Variants in PRKG1 observed in about 807,000 individuals in gnomAD.
PRKG1 encodes cGMP-dependent protein kinase 1.
PRKG1 carries 35 observed loss-of-function variants against 88.1 expected under a neutral mutation model. That is an observed-to-expected ratio of 0.40 (90% CI 0.30 to 0.53). The LOEUF is 0.53. Among genes scored for constraint, PRKG1 ranks in the 20% least tolerant of loss-of-function variants. The pLI, the probability that PRKG1 is intolerant of heterozygous loss-of-function variation, is 0.59. For synonymous variants in PRKG1, 303 were observed against 292.5 expected, an observed-to-expected ratio of 1.04 and a Z score of -0.37; for missense variants, 540 against 839.8, an observed-to-expected ratio of 0.64 and a Z score of 4.41.
At chr10:51,440,201 A>ATT (rs34652760) in intron 2 of PRKG1, among the ~76,000 whole-genome samples, 9 of 150,168 alleles carry the variant, frequency 6.0e-5, no homozygotes, top group Non-Finnish European at 1.0e-4. Flanking sequence ...GTGCAGTTTG[A>ATT]TTTTTTTTTT....
chr10:52,066,320 T>A (rs1218936246), intron 7 of PRKG1, among the ~76,000 whole-genome samples: 1 of 152,212 alleles, frequency 6.6e-6, no homozygotes, highest in Non-Finnish European at 1.5e-5. Context: ...CTGTATTTCA[T>A]AAACCTTGGT....
chr10:51,292,328 C>T lies in PRKG1; in HGVS notation c.478+138998C>T, dbSNP rs548008936. Among the ~76,000 whole-genome samples the T allele has an allele frequency of 1.3e-4, 20 of 152,284 alleles. No homozygotes were observed. In the South Asian group the frequency reaches 3.9e-3, roughly 30 times the overall value. On this transcript the variant is annotated intron_variant, in intron 2 of 17. Transcript: ENST00000373980. ...ACCTCAAGTCTTCATTTTCTCAAAG[C>T]TCACTCCTCTTTCTCCTTGCTTCAT... is the stretch of plus-strand genomic sequence containing the variant.
intron 2 of PRKG1, among the ~76,000 whole-genome samples, chr10:51,191,597 G>A (rs189819768): frequency 1.3e-4 from 20 of 151,814 alleles, no homozygotes; most frequent in African/African-American, 4.1e-4. Flanking sequence ...ACTTATTAGT[G>A]GCCAGATACT....
At chr10:51,271,137 G>A (rs1172607620) in intron 2 of PRKG1, among the ~76,000 whole-genome samples, 6 of 152,136 alleles carry the variant, frequency 3.9e-5, no homozygotes, top group Non-Finnish European at 8.8e-5. Context: ...TGTGAAGAAA[G>A]GAATGTCTAC....
intron 3 of PRKG1, among the ~76,000 whole-genome samples, chr10:51,795,510 A>G (rs1470256600): frequency 6.6e-6 from 1 of 152,144 alleles, no homozygotes; most frequent in Non-Finnish European, 1.5e-5. Flanking sequence ...CTTTCTAATT[A>G]TGAAGCATTT....
intron 3 of PRKG1, among the ~76,000 whole-genome samples, chr10:51,662,070 C>A (rs897281802): frequency 2.0e-5 from 3 of 151,974 alleles, no homozygotes; most frequent in Non-Finnish European, 4.4e-5. Flanking sequence ...CACACTGGGG[C>A]CTGTCATAGG....
At chr10:52,227,962 A>G (rs1840430808) in intron 9 of PRKG1, among the ~76,000 whole-genome samples, 1 of 152,142 alleles carries the variant, frequency 6.6e-6, no homozygotes, top group Non-Finnish European at 1.5e-5. Flanking sequence ...CCCTTTCCAG[A>G]GGAAGTTAGC....
At chr10:52,291,327 C>T (rs972240527) in intron 17 of PRKG1, among the ~76,000 whole-genome samples, 4 of 151,062 alleles carry the variant, frequency 2.6e-5, no homozygotes, top group Non-Finnish European at 5.9e-5. Flanking sequence ...CATATGTATA[C>T]ATGTGCCATG....
At chr10:51,542,038 A>G (rs1157025451) in intron 3 of PRKG1, among the ~76,000 whole-genome samples, 1 of 152,092 alleles carries the variant, frequency 6.6e-6, no homozygotes, top group Non-Finnish European at 1.5e-5. Context: ...CAGGCTCTTC[A>G]TTAGTAACTA....
At chr10:52,237,227 A>C (rs1296793495) in intron 9 of PRKG1, among the ~76,000 whole-genome samples, 2 of 143,444 alleles carry the variant, frequency 1.4e-5, no homozygotes. Context: ...GAATGGGCAA[A>C]AACTGGAAGC....
At chr10:51,618,156 T>A (rs1351972242) in intron 3 of PRKG1, among the ~76,000 whole-genome samples, 1 of 152,216 alleles carries the variant, frequency 6.6e-6, no homozygotes, top group East Asian at 1.9e-4. Context: ...GAGAGTTCTA[T>A]CTTGGCTTCA....
intron 1 of PRKG1, among the ~76,000 whole-genome samples, chr10:51,064,713 A>G (rs975219620): frequency 3.3e-5 from 5 of 152,028 alleles, no homozygotes; most frequent in African/African-American, 1.2e-4. Context: ...TCTTTTTTGC[A>G]TTAACAAACC....
intron 2 of PRKG1, among the ~76,000 whole-genome samples, chr10:51,370,512 A>ATG (rs34743767): frequency 0.57 from 83,617 of 146,658 alleles, 23,758 homozygotes; most frequent in Middle Eastern, 0.61. Context: ...GTGTGTGTGT[A>ATG]TGTGTGTGTG....
rs376960485 is a variant in PRKG1, at chr10:51,923,108, T to C, written c.762+15538T>C. Among the ~76,000 whole-genome samples, 8 of 152,116 alleles carry C rather than the reference T, an allele frequency of 5.3e-5. No homozygotes were observed. The East Asian group carries it at 1.3e-3, about 26-fold the overall frequency. ...GGTTTATGCACTTAAAGGATTGTTA[T>C]GTCTTCTTGGACAATTGATCCTTTA... On this transcript the variant is annotated intron_variant, in intron 5 of 17. Coordinates refer to ENST00000373980, the MANE Select transcript of PRKG1 (RefSeq NM_006258.4).
intron 3 of PRKG1, among the ~76,000 whole-genome samples, chr10:51,688,909 G>A (rs11818300): frequency 0.086 from 13,025 of 152,092 alleles, 644 homozygotes; most frequent in African/African-American, 0.13. Flanking sequence ...CATGTGTTGT[G>A]GGAGGTACCT....
intron 9 of PRKG1, among the ~76,000 whole-genome samples, chr10:52,204,449 G>A (rs1839762016): frequency 1.3e-5 from 2 of 152,050 alleles, no homozygotes; most frequent in Admixed American, 6.6e-5. Flanking sequence ...GGGAAGTCAG[G>A]GACCCCGAAT....
chr10:51,814,220 T>A (rs970349519), intron 4 of PRKG1, among the ~76,000 whole-genome samples: 4 of 152,218 alleles, frequency 2.6e-5, no homozygotes, highest in Non-Finnish European at 4.4e-5. Flanking sequence ...ATACAAAGTA[T>A]CTTTTGTACA....
intron 3 of PRKG1, among the ~76,000 whole-genome samples, chr10:51,676,267 C>A (rs1840708350): frequency 6.6e-6 from 1 of 151,902 alleles, no homozygotes; most frequent in Non-Finnish European, 1.5e-5. Flanking sequence ...ACATTTCAAG[C>A]ACTCAGGAGC....
intron 5 of PRKG1, among the ~76,000 whole-genome samples, chr10:52,003,358 A>G (rs1025390884): frequency 6.6e-6 from 1 of 151,144 alleles, no homozygotes. Context: ...TCTAAATCTC[A>G]TTATCCTCAA....
Sources: allele counts gnomAD v4.1 joint callset (sites outside exome capture counted in the v4.1 genomes callset), GRCh38; gene constraint gnomAD v4.1.1; transcripts MANE v1.5; gene names NCBI Gene and HGNC (gene_info 2026-07-23, HGNC 2026-07-21).